Variants in GKAP1 observed in about 807,000 individuals in gnomAD.
GKAP1 encodes G kinase anchoring protein 1.
A neutral mutation model predicts 56.7 loss-of-function variants in GKAP1; 31 were observed. The observed-to-expected ratio is 0.55, with a 90% CI of 0.41 to 0.74. The LOEUF is 0.74. GKAP1 is among the 30% of genes least tolerant of loss of function. The pLI is 0.00. For missense variants in GKAP1, 364 were observed against 402.3 expected (o/e 0.90, Z 0.82); for synonymous variants, 151 against 138.6 (o/e 1.09, Z -0.63).
intron 10 of GKAP1, among the ~76,000 whole-genome samples, chr9:83,747,675 C>T (rs532319561): frequency 1.3e-5 from 2 of 148,336 alleles, no homozygotes; most frequent in African/African-American, 5.0e-5. Context: ...TTGCTCTGTT[C>T]CCCAGGCTGC....
At chr9:83,760,839 C>G (rs1235016080) in intron 8 of GKAP1, among the ~76,000 whole-genome samples, 1 of 151,552 alleles carries the variant, frequency 6.6e-6, no homozygotes, top group Admixed American at 6.6e-5. Flanking sequence ...AAATAACACA[C>G]CAAAAGCTAT....
intron 7 of GKAP1, among the ~76,000 whole-genome samples, chr9:83,772,093 C>T (rs571471964): frequency 3.4e-4 from 52 of 151,868 alleles, no homozygotes; most frequent in African/African-American, 1.2e-3. Context: ...CCCACACACA[C>T]CAGAAAAAAA....
intron 2 of GKAP1, among the ~76,000 whole-genome samples, chr9:83,815,937 C>T (rs1944578704): frequency 6.6e-6 from 1 of 150,724 alleles, no homozygotes; most frequent in South Asian, 2.1e-4. Flanking sequence ...CTTGTAATCC[C>T]AGCACTTTGG....
intron 10 of GKAP1, among the ~76,000 whole-genome samples, chr9:83,745,285 C>A (rs930211924): frequency 2.6e-5 from 4 of 152,204 alleles, no homozygotes; most frequent in African/African-American, 9.6e-5. Context: ...CCACCTGTCT[C>A]AACCTCCCAA....
At chr9:83,800,376 G>A (rs984633994) in intron 3 of GKAP1, among the ~76,000 whole-genome samples, 7 of 133,930 alleles carry the variant, frequency 5.2e-5, no homozygotes, top group Admixed American at 2.6e-4. Flanking sequence ...TCGCTCTGTC[G>A]CCAGCTGGAA....
chr9:83,741,859 G>T, intron 12 of GKAP1, 93 bp downstream of exon 12: 1 of 697,068 alleles, frequency 1.4e-6, no homozygotes, highest in Non-Finnish European at 2.4e-6. Flanking sequence ...ATAAATTTTG[G>T]CCTAAGAATA....
chr9:83,744,829 T>G (rs1444519650), intron 10 of GKAP1, among the ~76,000 whole-genome samples: 4 of 152,144 alleles, frequency 2.6e-5, no homozygotes, highest in African/African-American at 9.7e-5. Flanking sequence ...CTTACAATCA[T>G]AGTAGAAGGC....
Position 83,788,694 on chromosome 9 carries a change from T to C in GKAP1, c.361-16A>G, listed in dbSNP as rs1300082568. On this transcript the variant is annotated splice_polypyrimidine_tract_variant and intron_variant, in intron 4 of 12. Transcript: ENST00000376371. Reference sequence around the variant, plus strand: ...CAGATGTCAGCTACAAAAAAAAAGTTTCACAATAAACAGACAGTATCATTA... The same window carrying C: ...CAGATGTCAGCTACAAAAAAAAAGTCTCACAATAAACAGACAGTATCATTA... 1.3e-6 allele frequency: 2 copies of C among 1,569,336 alleles called. No individual in the cohort carries two copies. Among genetic ancestry groups the C allele is most frequent in the Non-Finnish European group, 1.7e-6 (2 of 1,145,048 alleles).
chr9:83,782,326 T>C (rs1943987603), intron 6 of GKAP1, among the ~76,000 whole-genome samples: 1 of 151,902 alleles, frequency 6.6e-6, no homozygotes, highest in Non-Finnish European at 1.5e-5. Flanking sequence ...AATAGATTTC[T>C]TAGGTGAAAT....
intron 2 of GKAP1, among the ~76,000 whole-genome samples, chr9:83,807,585 T>G (rs1395853852): frequency 1.3e-5 from 2 of 152,226 alleles, no homozygotes; most frequent in African/African-American, 4.8e-5. Flanking sequence ...ACTCCTATGC[T>G]TCTCTCCAAT....
At chr9:83,745,897 T>A (rs1943285359) in intron 10 of GKAP1, among the ~76,000 whole-genome samples, 1 of 152,094 alleles carries the variant, frequency 6.6e-6, no homozygotes, top group South Asian at 2.1e-4. Flanking sequence ...TTCAAGTGAT[T>A]CTTGCACTTC....
At chr9:83,742,895 A>ACCTATAAT (rs1943232524) in intron 10 of GKAP1, among the ~76,000 whole-genome samples, 1 of 152,212 alleles carries the variant, frequency 6.6e-6, no homozygotes, top group Non-Finnish European at 1.5e-5. Flanking sequence ...GGTGGCTCAC[A>ACCTATAAT]CCTATAATCC....
intron 8 of GKAP1, among the ~76,000 whole-genome samples, chr9:83,764,981 G>A (rs1943637095): frequency 6.6e-6 from 1 of 152,202 alleles, no homozygotes; most frequent in African/African-American, 2.4e-5. Flanking sequence ...GCAGCCAAAT[G>A]CTAATCACCA....
At chr9:83,770,003 C>A (rs557631244) in intron 7 of GKAP1, among the ~76,000 whole-genome samples, 1 of 152,274 alleles carries the variant, frequency 6.6e-6, no homozygotes. Flanking sequence ...ATTTGTATAT[C>A]TTTTTGGAGA....
chr9:83,756,470 C>CAAA (rs142896755), intron 8 of GKAP1, among the ~76,000 whole-genome samples: 21 of 75,404 alleles, frequency 2.8e-4, no homozygotes, highest in African/African-American at 4.5e-4. Context: ...GACTCCATCT[C>CAAA]AAAAAAAAAA....
chr9:83,783,094 T>C (rs889554141), intron 6 of GKAP1, among the ~76,000 whole-genome samples: 2 of 152,228 alleles, frequency 1.3e-5, no homozygotes, highest in Admixed American at 1.3e-4. Context: ...CTTCTAAATA[T>C]ATTCTCTGAT....
intron 9 of GKAP1, chr9:83,749,115 G>A (rs1442790683): frequency 6.6e-6 from 1 of 151,686 alleles, no homozygotes; most frequent in Non-Finnish European, 1.5e-5. Flanking sequence ...ATACATTTAT[G>A]AACAAAAAGG....
intron 7 of GKAP1, among the ~76,000 whole-genome samples, chr9:83,778,595 C>G (rs1943900811): frequency 6.6e-6 from 1 of 152,020 alleles, no homozygotes; most frequent in South Asian, 2.1e-4. Flanking sequence ...CTAATGGGTA[C>G]TAGGCTTAAT....
At chr9:83,745,126 G>C (rs1943270467) in intron 10 of GKAP1, among the ~76,000 whole-genome samples, 1 of 152,058 alleles carries the variant, frequency 6.6e-6, no homozygotes, top group Non-Finnish European at 1.5e-5. Flanking sequence ...AGCCTCCTGG[G>C]CTCATGCAAT....
Sources: allele counts gnomAD v4.1 joint callset (sites outside exome capture counted in the v4.1 genomes callset), GRCh38; gene constraint gnomAD v4.1.1; transcripts MANE v1.5; gene names NCBI Gene and HGNC (gene_info 2026-07-23, HGNC 2026-07-21).